The following KLHL32 variants were observed in gnomAD, a reference collection of about 807,000 sequenced individuals.
KLHL32 encodes the protein kelch-like protein 32.
KLHL32 carries 35 observed loss-of-function variants against 64.8 expected under a neutral mutation model. The ratio of observed to expected loss-of-function variants is 0.54; its 90% CI spans 0.41 to 0.72. KLHL32 has a LOEUF of 0.72. Ranked by LOEUF, KLHL32 falls within the 30% of genes least tolerant of loss-of-function variation. The probability of loss-of-function intolerance (pLI) is 0.00; values close to 1 mark genes in which losing one functional copy is unlikely to be tolerated. For synonymous variants in KLHL32, 259 were observed against 281.0 expected (o/e 0.92, Z 0.78); for missense variants, 589 against 768.5 (o/e 0.77, Z 2.76).
intron 5 of KLHL32, among the ~76,000 whole-genome samples, chr6:97,083,979 G>A (rs1793000431): frequency 6.6e-6 from 1 of 152,036 alleles, no homozygotes; most frequent in Non-Finnish European, 1.5e-5. Flanking sequence ...AAAAGGAGGA[G>A]TGTGTGCTAT....
intron 3 of KLHL32, among the ~76,000 whole-genome samples, chr6:96,982,572 G>T (rs746939527): frequency 3.9e-5 from 6 of 152,132 alleles, no homozygotes; most frequent in Non-Finnish European, 5.9e-5. Flanking sequence ...GACATGTGTG[G>T]TTCTCCTTGA....
At chr6:96,942,777 C>A (rs1771469828) in intron 1 of KLHL32, among the ~76,000 whole-genome samples, 1 of 151,598 alleles carries the variant, frequency 6.6e-6, no homozygotes, top group Non-Finnish European at 1.5e-5. Context: ...AAAAGACTTT[C>A]CCCAGGTTAT....
chr6:96,961,309 A>C (rs1411345357), intron 1 of KLHL32, among the ~76,000 whole-genome samples: 1 of 152,184 alleles, frequency 6.6e-6, no homozygotes, highest in Non-Finnish European at 1.5e-5. Context: ...AAAAGGTCAG[A>C]GTTGAGTTCT....
intron 1 of KLHL32, among the ~76,000 whole-genome samples, chr6:96,941,411 A>C (rs1771272467): frequency 6.6e-6 from 1 of 152,182 alleles, no homozygotes; most frequent in South Asian, 2.1e-4. Flanking sequence ...CTTACTTATC[A>C]TGTATTTTCT....
At chr6:97,017,675 GGGGATAT>G (rs1731857286) in intron 3 of KLHL32, among the ~76,000 whole-genome samples, 1 of 152,106 alleles carries the variant, frequency 6.6e-6, no homozygotes, top group South Asian at 2.1e-4. Flanking sequence ...TTTCTCTTTT[GGGGATAT>G]GGCTTGGAAA....
chr6:96,915,653 TAA>T, the KLHL32 span, among the ~76,000 whole-genome samples: 243 of 150,076 alleles, frequency 1.6e-3, 1 homozygote, highest in Middle Eastern at 3.4e-3. Flanking sequence ...ATCCATGGAG[TAA>T]AAAAAAAAAG....
intron 3 of KLHL32, among the ~76,000 whole-genome samples, chr6:97,038,811 A>G (rs1260146793): frequency 6.6e-6 from 1 of 152,064 alleles, no homozygotes; most frequent in Non-Finnish European, 1.5e-5. Flanking sequence ...GGCTGGGTGC[A>G]GTAGCTCACA....
At chr6:97,128,157 T>C (rs1766531) in intron 8 of KLHL32, among the ~76,000 whole-genome samples, 87,099 of 152,128 alleles carry the variant, frequency 0.57, 26,602 homozygotes, top group African/African-American at 0.79. Context: ...ATCAGCTGAA[T>C]GTAATGGGAT....
At chr6:97,085,069 T>C in intron 5 of KLHL32, 57 bp from the exon 6 acceptor site, 1 of 1,485,172 alleles carries the variant, frequency 6.7e-7, no homozygotes, top group Non-Finnish European at 9.3e-7. Flanking sequence ...TCTTGCCTGC[T>C]CTTTCTCGGA....
At chr6:96,912,930 A>G in the KLHL32 span, among the ~76,000 whole-genome samples, 2 of 152,154 alleles carry the variant, frequency 1.3e-5, no homozygotes, top group East Asian at 3.9e-4. Flanking sequence ...GGGAGAAGGA[A>G]CCATAACTAT....
chr6:97,036,491 A>G (rs1298466597), intron 3 of KLHL32, among the ~76,000 whole-genome samples: 1 of 152,182 alleles, frequency 6.6e-6, no homozygotes, highest in African/African-American at 2.4e-5. Context: ...TCTTTCAGAT[A>G]TTACAGACTG....
chr6:97,139,363 C>A lies in KLHL32; in HGVS notation c.*81C>A. 2 of 1,202,726 alleles carry A rather than the reference C, an allele frequency of 1.7e-6. No individual in the cohort carries two copies. The highest frequency in any genetic ancestry group is 1.5e-5 in the South Asian group (1 of 66,662). The allele number at this position is 1,202,726 out of a possible 1,614,324, so 74.5% of individuals were successfully genotyped here. A position where few individuals can be genotyped will look rare whatever the true frequency, so the allele number is the denominator to read the frequency against. ...GCATGAAAAGACTCAGTGCTCCATGCTTCCTTGTCTTGCTTTATAGGTCTT... is the reference window on the plus strand; with the variant it reads ...GCATGAAAAGACTCAGTGCTCCATGATTCCTTGTCTTGCTTTATAGGTCTT... On this transcript the variant is annotated 3_prime_UTR_variant, in exon 11 of 11. Coordinates refer to ENST00000369261, the MANE Select transcript of KLHL32 (RefSeq NM_052904.4).
chr6:97,052,476 T>G (rs1186697769), intron 4 of KLHL32, among the ~76,000 whole-genome samples: 1 of 152,242 alleles, frequency 6.6e-6, no homozygotes, highest in Non-Finnish European at 1.5e-5. Context: ...AAGAATGTGT[T>G]TATATGTAAA....
chr6:97,086,873 T>C (rs1793494591), intron 6 of KLHL32, among the ~76,000 whole-genome samples: 2 of 152,218 alleles, frequency 1.3e-5, no homozygotes, highest in African/African-American at 4.8e-5. Context: ...AAAGAAAGAT[T>C]TGGAATGAAT....
Position 97,109,923 on chromosome 6 carries a change from T to G in KLHL32, c.628-3860T>G, listed in dbSNP as rs190609199. ...AATAGCAAATATTACGTTTCAGAAA[T>G]TTTTCCCTGGTGCATAAGAAATGAC... On this transcript the variant is annotated intron_variant, in intron 6 of 10. Coordinates refer to ENST00000369261, the MANE Select transcript of KLHL32 (RefSeq NM_052904.4). Among the ~76,000 whole-genome samples, 280 of 152,300 alleles carry G rather than the reference T, an allele frequency of 1.8e-3. 1 individual carries two copies. Among genetic ancestry groups the G allele is most frequent in the Non-Finnish European group, 6.5e-4 (44 of 68,036 alleles).
At chr6:97,041,033 A>G (rs1785038977) in intron 3 of KLHL32, among the ~76,000 whole-genome samples, 1 of 152,190 alleles carries the variant, frequency 6.6e-6, no homozygotes, top group Non-Finnish European at 1.5e-5. Context: ...TTTATAGCAT[A>G]TGAAAATGAA....
At chr6:97,085,465 T>C in intron 6 of KLHL32, 124 bp downstream of exon 6, 1 of 780,398 alleles carries the variant, frequency 1.3e-6, no homozygotes, top group Admixed American at 2.4e-5. Context: ...GTTTTAGAAG[T>C]CATGCTTCCT....
intron 1 of KLHL32, among the ~76,000 whole-genome samples, chr6:96,935,457 T>C (rs1020101635): frequency 1.3e-5 from 2 of 152,148 alleles, no homozygotes; most frequent in Non-Finnish European, 2.9e-5. Context: ...AAATTAGATT[T>C]TGGTTGGACT....
chr6:97,058,453 G>C lies in KLHL32; in HGVS notation c.313-6175G>C, dbSNP rs1788360686. On this transcript the variant is annotated intron_variant, in intron 4 of 10. Transcript: ENST00000369261. ...TGTAGTTTTCCTCATATATATATGT[G>C]CTAAGTCCCATGGCTAATGCCCTGA... Among the ~76,000 whole-genome samples, 8 of 152,010 alleles carry C rather than the reference G, an allele frequency of 5.3e-5. No individual in the cohort carries two copies. In the South Asian group the frequency reaches 1.7e-3, roughly 32 times the overall value.
Sources: gnomAD v4.1 joint callset for allele counts (sites outside exome capture counted in the v4.1 genomes callset) on GRCh38, gnomAD v4.1.1 for gene constraint, MANE v1.5 for transcripts, NCBI Gene and HGNC (gene_info 2026-07-23, HGNC 2026-07-21) for gene names.